Variants in SGTA observed in about 807,000 individuals in gnomAD.
SGTA encodes small glutamine-rich tetratricopeptide repeat-containing protein alpha.
A neutral mutation model predicts 44.3 loss-of-function variants in SGTA; 22 were observed. The observed-to-expected ratio is 0.50, with a 90% confidence interval of 0.36 to 0.71. The LOEUF (loss-of-function observed/expected upper bound fraction) is 0.71, where lower values mean the gene tolerates loss of function less well. Among genes scored for constraint, SGTA ranks in the 30% least tolerant of loss-of-function variants. The pLI is 0.00. For synonymous variants in SGTA, 174 were observed against 177.6 expected, an observed-to-expected ratio of 0.98 and a Z score of 0.16; for missense variants, 341 against 435.9, an observed-to-expected ratio of 0.78 and a Z score of 1.94.
In SGTA at chr19:2,755,169, C is replaced by T. The variant is rs187419756; in HGVS notation, c.*771G>A. 1.9e-5 allele frequency: 3 copies of T among 154,072 alleles called. No homozygotes were observed. In the Admixed American group the frequency reaches 2.0e-4, roughly 10 times the overall value. The allele number at this position is 154,072 out of a possible 1,614,324, so 9.5% of individuals were successfully genotyped here. On this transcript the variant is annotated 3_prime_UTR_variant, in exon 12 of 12. Transcript: ENST00000221566. This position sits in a 1 kb window ranked among gnomAD's most constrained non-coding sequence, Gnocchi z 5.2. ...AGACAGAAACGGCCCAGCTGCCTTC[C>T]CTGTGCCCGGGGCTAAGGCGGCCGG...
chr19:2,762,128 C>T (rs1915012955), intron 7 of SGTA, among the ~76,000 whole-genome samples: 1 of 152,158 alleles, frequency 6.6e-6, no homozygotes, highest in South Asian at 2.1e-4. Context: ...TCCACCTGCC[C>T]CACTCACCCC....
rs545344354 is a variant in SGTA at position 2,776,310 on chromosome 19, G to A, written c.-24+6923C>T. The stretch of plus-strand genomic sequence containing the variant: ...AAAAGCAAACAGCCCAAGTGTCCAC[G>A]GACAGGTGAGTGGATCAACACAATG... On this transcript the variant is annotated intron_variant, in intron 1 of 11. Coordinates refer to ENST00000221566, the MANE Select transcript of SGTA (RefSeq NM_003021.4). 4.4e-4 allele frequency among the ~76,000 whole-genome samples: 67 copies of A among 152,330 alleles called. 1 individual carries two copies. Among genetic ancestry groups the A allele is most frequent in the African/African-American group, 1.4e-3 (60 of 41,572 alleles).
chr19:2,780,825 G>A (rs1156674268), intron 1 of SGTA, among the ~76,000 whole-genome samples: 2 of 152,116 alleles, frequency 1.3e-5, no homozygotes, highest in Admixed American at 1.3e-4. Flanking sequence ...AGTGGGGCAC[G>A]CCTGTAATCA....
At position 2,763,835 on chromosome 19, in the gene SGTA, G is replaced by A; in HGVS notation, c.393-78C>T. On this transcript the variant is annotated intron_variant, in intron 5 of 11. Transcript: ENST00000221566. The surrounding 1 kb of genome is among the most constrained non-coding windows in gnomAD (Gnocchi z 5.8). The stretch of plus-strand genomic sequence containing the variant: ...GGCAGCCCTTGAGGGGAGCCTGAGA[G>A]CTGCGTTCCTCTCCAACTTCCTGGA... 4 of 1,120,124 alleles carry A rather than the reference G, an allele frequency of 3.6e-6. No individual in the cohort carries two copies. The highest frequency in any genetic ancestry group is 5.2e-6 in the Non-Finnish European group (4 of 768,982). 69.4% of individuals were successfully genotyped at this position (1,120,124 alleles called of 1,614,324 possible).
intron 8 of SGTA, among the ~76,000 whole-genome samples, chr19:2,759,964 A>G (rs1236090425): frequency 6.6e-6 from 1 of 152,022 alleles, no homozygotes; most frequent in Non-Finnish European, 1.5e-5. Flanking sequence ...TGTCTCAAAA[A>G]AGAAGTAAAA....
intron 8 of SGTA, chr19:2,759,586 C>A: frequency 2.4e-6 from 1 of 419,534 alleles, no homozygotes. Context: ...TGTGTGGAGG[C>A]GTTTTGGTTC....
Position 2,757,369 on chromosome 19 carries a change from C to A in SGTA, c.916G>T (p.Ala306Ser), listed in dbSNP as rs751458337. 1 of 1,604,948 alleles carries A rather than the reference C, an allele frequency of 6.2e-7. No individual in the cohort carries two copies. The highest frequency in any genetic ancestry group is 2.2e-5 in the East Asian group (1 of 44,878). ...CACTCCTGCTGGTCGTCGTTGCTGG[C>A]GCTGGGCGTCCGACTCCGGATCTGG... Reference protein sequence around the residue: ...RSQIRSRTPSASNDDQQE With the variant: ...RSQIRSRTPSSSNDDQQE The change falls in exon 11 of 12, where the codon GCC (alanine) becomes TCC (serine). Residue 306 changes from alanine (A) to serine (S), a missense_variant. Transcript: ENST00000221566.
At chr19:2,756,506 T>C (rs1223880238) in intron 11 of SGTA, among the ~76,000 whole-genome samples, 1 of 152,084 alleles carries the variant, frequency 6.6e-6, no homozygotes, top group Admixed American at 6.5e-5. Context: ...AACATTTTTG[T>C]ATTTTAAATT....
rs1052413225 is a variant in SGTA, at chr19:2,765,711, T to C, written c.293-426A>G. On this transcript the variant is annotated intron_variant, in intron 4 of 11. Transcript: ENST00000221566. The surrounding 1 kb of genome is among the most constrained non-coding windows in gnomAD (Gnocchi z 5.5). ...ACTCATGTGATACCTTCTCATTTCATAGGCAATGGGGCTTCTATCTGAGGC... is the reference window on the plus strand; with the variant it reads ...ACTCATGTGATACCTTCTCATTTCACAGGCAATGGGGCTTCTATCTGAGGC... 5.9e-5 allele frequency among the ~76,000 whole-genome samples: 9 copies of C among 152,170 alleles called. No individual in the cohort carries two copies. The highest frequency in any genetic ancestry group is 2.2e-4 in the African/African-American group (9 of 41,426).
intron 8 of SGTA, among the ~76,000 whole-genome samples, chr19:2,760,137 G>T (rs1914941383): frequency 6.6e-6 from 1 of 152,016 alleles, no homozygotes; most frequent in South Asian, 2.1e-4. Flanking sequence ...TCAGACACGG[G>T]TGCCTGACGC....
At position 2,757,396 on chromosome 19, in the gene SGTA, T is replaced by G. The variant is rs1385388716; in HGVS notation, c.889A>C (p.Ser297Arg). Residue 297 changes from serine (S) to arginine (R), a missense_variant, in exon 11 of 12, where the codon AGC becomes CGC. By Grantham distance (110) the Ser-to-Arg change is moderately radical. Coordinates refer to ENST00000221566, the MANE Select transcript of SGTA (RefSeq NM_003021.4). ...QNPELIEQLR[S>R]QIRSRTPSAS... Reference sequence around the variant, plus strand: ...CTGGGCGTCCGACTCCGGATCTGGCTCCTGAGCTGCTCTATCAACTCTGGG... The same window carrying G: ...CTGGGCGTCCGACTCCGGATCTGGCGCCTGAGCTGCTCTATCAACTCTGGG... 1 of 1,608,174 alleles carries G rather than the reference T, an allele frequency of 6.2e-7. No individual in the cohort carries two copies.
chr19:2,768,573 A>C (rs1361086805), intron 2 of SGTA, among the ~76,000 whole-genome samples: 1 of 152,238 alleles, frequency 6.6e-6, no homozygotes, highest in African/African-American at 2.4e-5. Flanking sequence ...GCCATGCAGG[A>C]TGCCAACGAG....
rs1915161343 is a variant in SGTA, at chr19:2,767,008, C to T, written c.292+128G>A. On this transcript the variant is annotated intron_variant, in intron 4 of 11. Transcript: ENST00000221566. The surrounding 1 kb of genome is among the most constrained non-coding windows in gnomAD (Gnocchi z 7.3). ...TTCCGTCCCCGTCCCCACAAGCCAG[C>T]GTGCTGGTCATCAGGGCAATTCCCT... is the stretch of plus-strand genomic sequence containing the variant. 2.7e-6 allele frequency: 2 copies of T among 731,296 alleles called. No individual in the cohort carries two copies. The highest frequency in any genetic ancestry group is 2.7e-5 in the East Asian group (1 of 36,514). 45.3% of individuals were successfully genotyped at this position (731,296 alleles called of 1,614,324 possible).
intron 5 of SGTA, among the ~76,000 whole-genome samples, chr19:2,764,033 C>T (rs1239142292): frequency 6.6e-6 from 1 of 152,184 alleles, no homozygotes; most frequent in East Asian, 1.9e-4. Context: ...TGTACAAGAG[C>T]AATGAGGGTA....
At chr19:2,776,674 G>A (rs935813192) in intron 1 of SGTA, among the ~76,000 whole-genome samples, 1 of 152,188 alleles carries the variant, frequency 6.6e-6, no homozygotes, top group Non-Finnish European at 1.5e-5. Context: ...AACTGATTAA[G>A]ATGGTAATTT....
At chr19:2,760,401 C>G (rs531678621) in intron 8 of SGTA, among the ~76,000 whole-genome samples, 6 of 151,270 alleles carry the variant, frequency 4.0e-5, no homozygotes, top group African/African-American at 1.2e-4. Context: ...ACCTGTAATC[C>G]CAGCTACTCG....
At position 2,765,059 on chromosome 19, in the gene SGTA, G is replaced by A. The variant is rs1484973578; in HGVS notation, c.392+127C>T. 1 of 670,432 alleles carries A rather than the reference G, an allele frequency of 1.5e-6. No homozygotes were observed. The highest frequency in any genetic ancestry group is 1.8e-5 in the African/African-American group (1 of 55,674). 41.5% of individuals were successfully genotyped at this position (670,432 alleles called of 1,614,324 possible). Reference sequence around the variant, plus strand: ...CACCTGATGCTCGCTCCTGGTCTGAGACCACCGGTGAATGGATCCCTCATC... The same window carrying A: ...CACCTGATGCTCGCTCCTGGTCTGAAACCACCGGTGAATGGATCCCTCATC... On this transcript the variant is annotated intron_variant, in intron 5 of 11. Coordinates refer to ENST00000221566, the MANE Select transcript of SGTA (RefSeq NM_003021.4). This position sits in a 1 kb window ranked among gnomAD's most constrained non-coding sequence, Gnocchi z 5.5.
At chr19:2,773,954 A>G (rs13344868) in intron 1 of SGTA, among the ~76,000 whole-genome samples, 635 of 42,584 alleles carry the variant, frequency 0.015, 108 homozygotes, top group East Asian at 0.099. Context: ...GAGGGCAGAG[A>G]TGGGTGACGC....
chr19:2,758,709 A>G (rs1204983097), intron 9 of SGTA, among the ~76,000 whole-genome samples: 2 of 152,222 alleles, frequency 1.3e-5, no homozygotes, highest in Non-Finnish European at 2.9e-5. Context: ...ACCGTTCACA[A>G]CAGACAAAAG....
Sources: allele counts gnomAD v4.1 joint callset (sites outside exome capture counted in the v4.1 genomes callset), GRCh38; gene constraint gnomAD v4.1.1; non-coding constraint Gnocchi (gnomAD v3.1); transcripts MANE v1.5; gene names NCBI Gene and HGNC (gene_info 2026-07-23, HGNC 2026-07-21).